Variants in TNNT2 observed in about 807,000 individuals in gnomAD.
TNNT2 encodes the protein troponin T2, cardiac type.
In TNNT2, 34 loss-of-function variants were observed where a neutral mutation model predicts 62.4. The ratio of observed to expected loss-of-function variants is 0.54; its 90% CI spans 0.41 to 0.72. The LOEUF (loss-of-function observed/expected upper bound fraction) is 0.72. Among genes scored for constraint, TNNT2 ranks in the 30% least tolerant of loss-of-function variants. TNNT2 has a pLI of 0.00. For missense variants in TNNT2, 275 were observed against 381.9 expected, an observed-to-expected ratio of 0.72 and a Z score of 2.33; for synonymous variants, 123 against 127.2, an observed-to-expected ratio of 0.97 and a Z score of 0.22.
At chr1:201,369,445 G>C in intron 5 of TNNT2, 1 of 484,462 alleles carries the variant, frequency 2.1e-6, no homozygotes, top group Non-Finnish European at 4.2e-6. Flanking sequence ...CTCCTAAGGA[G>C]GGCCCAGCAT....
At chr1:201,374,544 G>A (rs916055657) in intron 1 of TNNT2, 1 of 152,220 alleles carries the variant, frequency 6.6e-6, no homozygotes, top group Non-Finnish European at 1.5e-5. Context: ...ATCACAGGGA[G>A]GGGGCAGAGA....
intron 5 of TNNT2, 115 bp downstream of exon 5, chr1:201,369,701 C>T: frequency 7.7e-7 from 1 of 1,303,044 alleles, no homozygotes. Flanking sequence ...CTGACCCACT[C>T]CGTCCCTGCC....
rs1049178680 is a variant in TNNT2 at position 201,368,319 on chromosome 1, G to T, written c.98-92C>A. ...CAGAGAATGGGCAGCGGGGAGTGGG[G>T]ATGGGGGTCAAGACGTCTAGGTCCA... On this transcript the variant is annotated intron_variant, in intron 5 of 16. Coordinates refer to ENST00000656932, the MANE Select transcript of TNNT2 (RefSeq NM_001276345.2). The T allele has an allele frequency of 2.3e-6, 3 of 1,332,456 alleles. No individual in the cohort carries two copies. The African/African-American group carries it at 4.3e-5, about 19-fold the overall frequency. 82.5% of individuals were successfully genotyped at this position (1,332,456 alleles called of 1,614,324 possible). A position where few individuals can be genotyped will look rare whatever the true frequency, so the allele number is the denominator to read the frequency against.
In TNNT2 at chr1:201,363,362, A is replaced by C. The variant is rs1659058825; in HGVS notation, c.534T>G (p.Ala178=). ...RREEEENRRK[A]EDEARKKKAL... Reference sequence around the variant, plus strand: ...CCTTCTTCTTCCGGGCCTCATCCTCAGCCTTCCTCCTGTTCTCCTCCTCCT... The same window carrying C: ...CCTTCTTCTTCCGGGCCTCATCCTCCGCCTTCCTCCTGTTCTCCTCCTCCT... Residue 178 remains alanine, a synonymous_variant, in exon 12 of 17, where the codon GCT becomes GCG. Transcript: ENST00000656932. 1.2e-6 allele frequency: 2 copies of C among 1,614,130 alleles called. No individual in the cohort carries two copies. Among genetic ancestry groups the C allele is most frequent in the East Asian group, 2.2e-5 (1 of 44,874 alleles).
chr1:201,369,903 G>C, intron 4 of TNNT2, 58 bp from the exon 5 acceptor site: 1 of 1,608,600 alleles, frequency 6.2e-7, no homozygotes, highest in Non-Finnish European at 8.5e-7. Context: ...TAGTCTGGGA[G>C]CAGAGAGCCC....
chr1:201,364,440 A>T (rs989110881), intron 10 of TNNT2, 65 bp from the exon 11 acceptor site: 3 of 1,511,828 alleles, frequency 2.0e-6, no homozygotes, highest in East Asian at 2.3e-5. Flanking sequence ...CAGGTACAGA[A>T]ACCTGCATGG....
At chr1:201,364,096 A>G (rs1196296036) in intron 11 of TNNT2, 7 of 585,826 alleles carry the variant, frequency 1.2e-5, no homozygotes, top group Non-Finnish European at 1.8e-5. Flanking sequence ...GTTGGTCAGG[A>G]TGGTCTCGAA....
intron 15 of TNNT2, 170 bp downstream of exon 15, chr1:201,361,108 TG>T: frequency 1.3e-6 from 1 of 745,612 alleles, no homozygotes; most frequent in Non-Finnish European, 2.4e-6. Context: ...GTCAATGCGG[TG>T]GACATGGAAC....
Position 201,369,800 on chromosome 1 carries a change from G to A in TNNT2, c.97+16C>T, listed in dbSNP as rs867375119. 1 of 1,614,182 alleles carries A rather than the reference G, an allele frequency of 6.2e-7. No homozygotes were observed. The highest frequency in any genetic ancestry group is 8.5e-7 in the Non-Finnish European group (1 of 1,180,030). ...GCAGGCAGCAGAAAGCACCACAGAA[G>A]GAAAGGCTGTACTACCGTCTTCGTC... On this transcript the variant is annotated intron_variant, in intron 5 of 16. Transcript: ENST00000656932.
intron 15 of TNNT2, chr1:201,360,364 A>G (rs542021393): frequency 7.8e-5 from 12 of 154,478 alleles, no homozygotes; most frequent in African/African-American, 2.6e-4. Flanking sequence ...AACAATTAGT[A>G]TTATCTCTGT....
In TNNT2 at chr1:201,364,389, G is replaced by T. The variant is rs745721749; in HGVS notation, c.412-14C>A. The T allele has an allele frequency of 2.5e-6, 4 of 1,611,170 alleles. No homozygotes were observed. Among genetic ancestry groups the T allele is most frequent in the Non-Finnish European group, 3.4e-6 (4 of 1,179,816 alleles). ...CCGACGTCTCTCCTAAGGAGAAGAG[G>T]CAAAGCCCACCCAGGTGTGCATAGG... On this transcript the variant is annotated splice_polypyrimidine_tract_variant and intron_variant, in intron 10 of 16. Transcript: ENST00000656932.
At chr1:201,365,835 C>T (rs1459651135) in intron 8 of TNNT2, 165 bp from the exon 9 acceptor site, 2 of 1,516,838 alleles carry the variant, frequency 1.3e-6, no homozygotes, top group Admixed American at 2.0e-5. Flanking sequence ...AGTCCTCAGC[C>T]TTGCTCAGCA....
intron 11 of TNNT2, 162 bp from the exon 12 acceptor site, chr1:201,363,568 G>A (rs1347778320): frequency 1.5e-6 from 1 of 655,756 alleles, no homozygotes; most frequent in Admixed American, 2.4e-5. Flanking sequence ...GCCCACAGGA[G>A]TCCACTGACT....
Position 201,366,705 on chromosome 1 carries a change from A to G in TNNT2, c.233+133T>C, listed in dbSNP as rs577842722. 7.0e-5 allele frequency: 111 copies of G among 1,593,332 alleles called. No individual in the cohort carries two copies. In the African/African-American group the frequency reaches 1.3e-3, roughly 19 times the overall value. ...CGCTTGTGCAGTACACAACTTGTAC[A>G]ACTGTACTGTGGTGCTCTGTGCCCA... On this transcript the variant is annotated intron_variant, in intron 8 of 16. Transcript: ENST00000656932.
rs45495692 is a variant in TNNT2 at position 201,359,601 on chromosome 1, G to A, written c.851+22C>T. 2.5e-3 allele frequency: 3,933 copies of A among 1,596,362 alleles called. 86 individuals are homozygous for A. In the African/African-American group the frequency reaches 0.047, roughly 19 times the overall value. ...GGAGGGGGCAGGGGGAGGGCTAGGC[G>A]AGAATGACCTCAGACACTTACACTT... On this transcript the variant is annotated intron_variant, in intron 16 of 16. Transcript: ENST00000656932.
At chr1:201,368,504 C>T (rs3753998) in intron 5 of TNNT2, 8 of 544,508 alleles carry the variant, frequency 1.5e-5, no homozygotes, top group East Asian at 9.3e-5. Flanking sequence ...AGTTCCACCC[C>T]GTGTCTGGCA....
intron 7 of TNNT2, 74 bp downstream of exon 7, chr1:201,367,697 T>A: frequency 6.6e-7 from 1 of 1,515,476 alleles, no homozygotes; most frequent in Non-Finnish European, 9.2e-7. Context: ...GAAAGAGCAC[T>A]GTGGGCATTC....
chr1:201,367,444 C>T, intron 7 of TNNT2: 1 of 512,270 alleles, frequency 2.0e-6, no homozygotes, highest in East Asian at 3.5e-5. Context: ...CTACGGACAC[C>T]ACATCCTACA....
chr1:201,361,762 G>A (rs1658689989), intron 14 of TNNT2, 151 bp downstream of exon 14: 2 of 770,116 alleles, frequency 2.6e-6, no homozygotes, highest in African/African-American at 1.7e-5. Context: ...CCGACCTGCT[G>A]GGGCCCAGCT....
Sources: gnomAD v4.1 joint callset for allele counts on GRCh38, gnomAD v4.1.1 for gene constraint, MANE v1.5 for transcripts, NCBI Gene and HGNC (gene_info 2026-07-23, HGNC 2026-07-21) for gene names.